SEMA4D: variants seen among roughly 807,000 people sequenced by gnomAD.
The protein encoded by SEMA4D is semaphorin 4D.
A neutral mutation model predicts 74.8 loss-of-function variants in SEMA4D; 22 were observed. The observed-to-expected ratio is 0.29, with a 90% CI of 0.21 to 0.42. The LOEUF is 0.42. SEMA4D is among the 10% of genes least tolerant of loss of function. SEMA4D has a pLI of 1.00. For synonymous variants in SEMA4D, 445 were observed against 463.7 expected (o/e 0.96, Z 0.52); for missense variants, 937 against 1,118.4 (o/e 0.84, Z 2.31).
intron 1 of SEMA4D, among the ~76,000 whole-genome samples, chr9:89,463,524 C>T (rs927888383): frequency 6.6e-6 from 1 of 152,186 alleles, no homozygotes; most frequent in Non-Finnish European, 1.5e-5. Context: ...CATGACCAGC[C>T]CTTTTTCGCT....
intron 13 of SEMA4D, among the ~76,000 whole-genome samples, chr9:89,384,148 G>A (rs979816891): frequency 2.6e-5 from 4 of 152,218 alleles, no homozygotes; most frequent in Admixed American, 2.6e-4. Flanking sequence ...TGCTGTGTGC[G>A]CCCAAGGAAT....
At chr9:89,443,469 T>G (rs1484062577) in intron 2 of SEMA4D, among the ~76,000 whole-genome samples, 1 of 152,228 alleles carries the variant, frequency 6.6e-6, no homozygotes, top group East Asian at 1.9e-4. Flanking sequence ...TTCAGCTGTC[T>G]GACAGAAAAT....
chr9:89,491,030 G>A (rs1046927598), intron 1 of SEMA4D, among the ~76,000 whole-genome samples: 2 of 150,976 alleles, frequency 1.3e-5, no homozygotes, highest in African/African-American at 4.9e-5. Context: ...CAGTCACATG[G>A]CTATCTACAT....
chr9:89,443,732 C>T (rs748951892), intron 2 of SEMA4D, among the ~76,000 whole-genome samples: 4 of 152,252 alleles, frequency 2.6e-5, no homozygotes, highest in Non-Finnish European at 4.4e-5. Context: ...ACCCTCCCTC[C>T]ACAGCATGGG....
At chr9:89,377,020 G>A (rs1367953919), downstream of SEMA4D, 4 of 1,542,180 alleles carry the variant, frequency 2.6e-6, no homozygotes, top group South Asian at 2.4e-5. Context: ...GGGAAGAGGA[G>A]CCAGGAGGAG....
chr9:89,460,601 G>A (rs988417865), intron 1 of SEMA4D, among the ~76,000 whole-genome samples: 6 of 152,200 alleles, frequency 3.9e-5, no homozygotes, highest in East Asian at 1.9e-4. Flanking sequence ...ATGTTTAACC[G>A]AGGTTCCACC....
At chr9:89,425,994 G>C (rs1564736697) in intron 2 of SEMA4D, among the ~76,000 whole-genome samples, 1 of 152,240 alleles carries the variant, frequency 6.6e-6, no homozygotes. Context: ...GAATCTGCCA[G>C]AACCATCCAG....
intron 2 of SEMA4D, among the ~76,000 whole-genome samples, chr9:89,444,564 G>T (rs947283203): frequency 1.3e-5 from 2 of 152,110 alleles, no homozygotes; most frequent in African/African-American, 2.4e-5. Context: ...TTGGTCAAAG[G>T]ACGGATTATT....
At chr9:89,397,287 C>G (rs1256760397) in intron 5 of SEMA4D, among the ~76,000 whole-genome samples, 1 of 152,180 alleles carries the variant, frequency 6.6e-6, no homozygotes, top group African/African-American at 2.4e-5. Flanking sequence ...TTTACTCTTG[C>G]TAAGTACGTG....
chr9:89,368,686 C>T (rs1834068754), intron 16 of SEMA4D: 1 of 152,376 alleles, frequency 6.6e-6, no homozygotes, highest in Admixed American at 6.5e-5. Context: ...CTGACAGTCA[C>T]CAGGCCGACG....
At chr9:89,478,509 A>G (rs1251899358) in intron 1 of SEMA4D, among the ~76,000 whole-genome samples, 1 of 151,864 alleles carries the variant, frequency 6.6e-6, no homozygotes, top group African/African-American at 2.4e-5. Flanking sequence ...GTTGTTGGAA[A>G]CCACCCAGTG....
At chr9:89,485,066 T>G (rs1197987945) in intron 1 of SEMA4D, among the ~76,000 whole-genome samples, 1 of 152,096 alleles carries the variant, frequency 6.6e-6, no homozygotes, top group African/African-American at 2.4e-5. Flanking sequence ...GTGATTTCCA[T>G]AACAAGTATT....
chr9:89,421,757 T>C (rs898528949), intron 2 of SEMA4D, among the ~76,000 whole-genome samples: 1 of 152,178 alleles, frequency 6.6e-6, no homozygotes, highest in Non-Finnish European at 1.5e-5. Flanking sequence ...GTGAGTAGTA[T>C]GTTTCCGTCT....
rs533998415 is a variant in SEMA4D, at chr9:89,447,988, T to C, written c.-244+7900A>G. ...TTTATGTATTTATTTATTTGTATTT[T>C]ATTTTTATGTATTTATTTGCATAGG... On this transcript the variant is annotated intron_variant, in intron 2 of 15. Transcript: ENST00000422704. 4.6e-5 allele frequency among the ~76,000 whole-genome samples: 7 copies of C among 152,336 alleles called. No individual in the cohort carries two copies. The South Asian group carries it at 1.4e-3, about 32-fold the overall frequency.
At chr9:89,413,801 T>C (rs1845065601) in intron 2 of SEMA4D, among the ~76,000 whole-genome samples, 1 of 152,258 alleles carries the variant, frequency 6.6e-6, no homozygotes, top group Non-Finnish European at 1.5e-5. Flanking sequence ...TGTATGCATA[T>C]ACATGTATGT....
chr9:89,385,865 T>TGGGGGGGGGGC, intron 13 of SEMA4D: 2 of 213,330 alleles, frequency 9.4e-6, no homozygotes, highest in Non-Finnish European at 1.6e-5. Flanking sequence ...CCAGCGTGGA[T>TGGGGGGGGGGC]GCCCGCCCAC....
chr9:89,471,275 T>G (rs1860134109), intron 1 of SEMA4D, among the ~76,000 whole-genome samples: 2 of 152,112 alleles, frequency 1.3e-5, no homozygotes, highest in South Asian at 2.1e-4. Context: ...CCTCAGGAGA[T>G]GGAGGGTGGT....
Position 89,437,102 on chromosome 9 carries a change from C to T in SEMA4D, c.-244+18786G>A, listed in dbSNP as rs562566959. 3.9e-5 allele frequency among the ~76,000 whole-genome samples: 6 copies of T among 152,314 alleles called. 1 individual carries two copies. The highest frequency in any genetic ancestry group is 1.4e-4 in the African/African-American group (6 of 41,572). ...CTGGACAGTGCTGCAGCGAGATGGCCTGCTCCCAGCTGGGCAGACGACCCT... is the reference window on the plus strand; with the variant it reads ...CTGGACAGTGCTGCAGCGAGATGGCTTGCTCCCAGCTGGGCAGACGACCCT... On this transcript the variant is annotated intron_variant, in intron 2 of 15. Coordinates refer to ENST00000422704, the MANE Select transcript of SEMA4D (RefSeq NM_001371194.2).
At chr9:89,363,334 C>CA (rs1231670250) in intron 18 of SEMA4D, 2 of 1,540,026 alleles carry the variant, frequency 1.3e-6, no homozygotes, top group African/African-American at 2.7e-5. Flanking sequence ...AAGTGGGGTC[C>CA]ATGCTGAATG....
Sources: gnomAD v4.1 joint callset for allele counts (sites outside exome capture counted in the v4.1 genomes callset) on GRCh38, gnomAD v4.1.1 for gene constraint, MANE v1.5 for transcripts, NCBI Gene and HGNC (gene_info 2026-07-23, HGNC 2026-07-21) for gene names.